KATNAL2: variants seen among roughly 807,000 people sequenced by gnomAD.
KATNAL2 encodes the protein katanin p60 ATPase-containing subunit A-like 2.
KATNAL2 carries 52 observed loss-of-function variants against 76.3 expected under a neutral mutation model. The ratio of observed to expected loss-of-function variants is 0.68; its 90% CI spans 0.55 to 0.86. The LOEUF is 0.86. KATNAL2 is among the 40% of genes least tolerant of loss of function. The pLI is 0.00. For missense variants in KATNAL2, 660 were observed against 668.9 expected, an observed-to-expected ratio of 0.99 and a Z score of 0.15; for synonymous variants, 243 against 244.2, an observed-to-expected ratio of 1.00 and a Z score of 0.05.
intron 8 of KATNAL2, 139 bp downstream of exon 8, chr18:47,059,793 A>G (rs2061578304): frequency 1.6e-6 from 1 of 627,088 alleles, no homozygotes; most frequent in South Asian, 1.9e-5. Context: ...TAAATGGAGA[A>G]GAGCGTCAGA....
At chr18:47,100,805 C>T in intron 17 of KATNAL2, 61 bp from the exon 18 acceptor site, 2 of 1,593,824 alleles carry the variant, frequency 1.3e-6, no homozygotes, top group Non-Finnish European at 1.7e-6. Flanking sequence ...ATTAGCGTTT[C>T]AAGAGCATTG....
At position 47,099,673 on chromosome 18, in the gene KATNAL2, T is replaced by C. The variant is rs566349287; in HGVS notation, c.1374+268T>C. Among the ~76,000 whole-genome samples, 6 of 152,292 alleles carry C rather than the reference T, an allele frequency of 3.9e-5. No individual in the cohort carries two copies. The South Asian group carries it at 1.2e-3, about 32-fold the overall frequency. The stretch of plus-strand genomic sequence containing the variant: ...GTCAAATCCTGGCCCTGCTGCTTGT[T>C]AGCTGTGTGACCTCGGAGAAGTCAC... On this transcript the variant is annotated intron_variant, in intron 16 of 17. Coordinates refer to ENST00000683218, the MANE Select transcript of KATNAL2 (RefSeq NM_001387690.1).
chr18:46,961,152 T>A (rs921535574), intron 3 of KATNAL2, among the ~76,000 whole-genome samples: 13 of 152,240 alleles, frequency 8.5e-5, no homozygotes, highest in African/African-American at 1.4e-4. Flanking sequence ...GTAGATTTTT[T>A]AATTTTTTTC....
At chr18:47,031,775 G>C (rs1475298141) in intron 3 of KATNAL2, among the ~76,000 whole-genome samples, 2 of 152,062 alleles carry the variant, frequency 1.3e-5, no homozygotes, top group Non-Finnish European at 2.9e-5. Context: ...TCCCCACCTG[G>C]ACTTTTTTGA....
Position 47,099,309 on chromosome 18 carries a change from G to A in KATNAL2, c.1278G>A (p.Glu426=). Residue 426 remains glutamate, a synonymous_variant, in exon 16 of 18, where the codon GAG becomes GAA. Coordinates refer to ENST00000683218, the MANE Select transcript of KATNAL2 (RefSeq NM_001387690.1). ...TTCTGGTCGATCTCCCCAGCCGGGA[G>A]GCCAGGCAGGCCATGATCTACCACT... ...KRILVDLPSR[E]ARQAMIYHWL... 2 of 1,614,172 alleles carry A rather than the reference G, an allele frequency of 1.2e-6. No homozygotes were observed. Among genetic ancestry groups the A allele is most frequent in the Non-Finnish European group, 1.7e-6 (2 of 1,180,014 alleles).
chr18:46,959,554 A>G (rs374279906), intron 3 of KATNAL2, among the ~76,000 whole-genome samples: 1 of 152,178 alleles, frequency 6.6e-6, no homozygotes. Context: ...TGTAAAAATA[A>G]TGTTTGTTAG....
At chr18:47,031,545 C>G (rs1199910379) in intron 3 of KATNAL2, among the ~76,000 whole-genome samples, 1 of 152,056 alleles carries the variant, frequency 6.6e-6, no homozygotes, top group Admixed American at 6.6e-5. Context: ...TACCCTTCCA[C>G]AGTTTGTAGA....
chr18:47,033,707 G>T lies in KATNAL2; in HGVS notation c.52-12750G>T, dbSNP rs202182645. ...GTCGGCACCTGGAGCTGGCAGGCAG[G>T]CCTGGAGCCCGAGTACACCGGCATC... On this transcript the variant is annotated intron_variant, in intron 3 of 17. Coordinates refer to ENST00000683218, the MANE Select transcript of KATNAL2 (RefSeq NM_001387690.1). The T allele has an allele frequency of 4.3e-5, 69 of 1,614,072 alleles. 1 individual carries two copies. Among genetic ancestry groups the T allele is most frequent in the Non-Finnish European group, 5.2e-5 (61 of 1,180,036 alleles).
chr18:47,056,034 G>A (rs564896562), intron 6 of KATNAL2, among the ~76,000 whole-genome samples: 1 of 152,310 alleles, frequency 6.6e-6, no homozygotes, highest in South Asian at 2.1e-4. Flanking sequence ...CTGGCTATTA[G>A]CAAATCAAAG....
chr18:46,953,572 A>G (rs956886232), intron 3 of KATNAL2, among the ~76,000 whole-genome samples: 2 of 152,176 alleles, frequency 1.3e-5, no homozygotes, highest in African/African-American at 4.8e-5. Context: ...CGTGGGCAAC[A>G]TAGTTAGACC....
intron 3 of KATNAL2, among the ~76,000 whole-genome samples, chr18:47,043,245 A>AAAAAAAACAAAAAAAAAAAAAAAAAAAAT (rs376877321): frequency 1.1e-5 from 1 of 93,176 alleles, no homozygotes; most frequent in Non-Finnish European, 2.1e-5. Context: ...AAAAAAAAAA[A>AAAAAAAACAAAAAAAAAAAAAAAAAAAAT]GAGATCCTAA....
intron 3 of KATNAL2, among the ~76,000 whole-genome samples, chr18:46,958,393 A>C (rs1470779180): frequency 6.6e-6 from 1 of 152,190 alleles, no homozygotes; most frequent in Admixed American, 6.5e-5. Context: ...GTAAATAATA[A>C]ATAATCTAGT....
Position 47,034,691 on chromosome 18 carries a change from G to A in KATNAL2, c.52-11766G>A. 2.5e-6 allele frequency: 4 copies of A among 1,613,190 alleles called. No individual in the cohort carries two copies. In the South Asian group the frequency reaches 4.4e-5, roughly 18 times the overall value. On this transcript the variant is annotated intron_variant, in intron 3 of 17. Transcript: ENST00000683218. ...GCGTGAGTGTGGCCTCTTCCGGGTT[G>A]CTTCCCGGGCGCAGCGGGCTCAGGG...
chr18:47,034,013 T>G, intron 3 of KATNAL2: 1 of 1,614,122 alleles, frequency 6.2e-7, no homozygotes, highest in South Asian at 1.1e-5. Flanking sequence ...CGAGTGCCCT[T>G]GGATTCGTTT....
intron 14 of KATNAL2, among the ~76,000 whole-genome samples, chr18:47,075,828 C>T (rs1251730613): frequency 6.6e-6 from 1 of 152,202 alleles, no homozygotes; most frequent in African/African-American, 2.4e-5. Flanking sequence ...GAAAACACCA[C>T]TTCTCTGTGG....
intron 3 of KATNAL2, chr18:47,033,987 C>T (rs2060626487): frequency 2.5e-6 from 4 of 1,613,654 alleles, no homozygotes; most frequent in South Asian, 2.2e-5. Flanking sequence ...ATTTCTTAGC[C>T]GAATCCCAGG....
intron 5 of KATNAL2, among the ~76,000 whole-genome samples, chr18:47,054,153 T>C (rs1239482572): frequency 2.0e-5 from 3 of 152,214 alleles, no homozygotes; most frequent in Non-Finnish European, 4.4e-5. Context: ...GTCTCTGACA[T>C]GTTTAATATC....
At chr18:46,924,128 T>G (rs2058658631) in intron 1 of KATNAL2, among the ~76,000 whole-genome samples, 2 of 152,210 alleles carry the variant, frequency 1.3e-5, no homozygotes, top group African/African-American at 4.8e-5. Flanking sequence ...GCTTTTGGTG[T>G]TTTAGACATG....
In KATNAL2 at chr18:47,069,513, G is replaced by A. The variant is rs1390130136; in HGVS notation, c.921G>A (p.Val307=). Residue 307 remains valine, a synonymous_variant, in exon 13 of 18, where the codon GTG becomes GTA. Transcript: ENST00000683218. ...GTGKTLLAKA[V]ATECKTTFFN... is the part of the protein sequence containing the mutation. ...GAAAGACTTTACTGGCCAAAGCTGT[G>A]GCCACTGAATGTAAAACAACCTTCT... is the stretch of plus-strand genomic sequence containing the variant. The A allele has an allele frequency of 6.2e-7, 1 of 1,613,678 alleles. No homozygotes were observed. The highest frequency in any genetic ancestry group is 1.3e-5 in the African/African-American group (1 of 74,992).
Sources: allele counts gnomAD v4.1 joint callset (sites outside exome capture counted in the v4.1 genomes callset), GRCh38; gene constraint gnomAD v4.1.1; transcripts MANE v1.5; gene names NCBI Gene and HGNC (gene_info 2026-07-23, HGNC 2026-07-21).